The following RAD51B variants were observed in gnomAD, a reference collection of about 807,000 sequenced individuals.
The protein encoded by RAD51B is RAD51 paralog B.
RAD51B carries 38 observed loss-of-function variants against 42.2 expected under a neutral mutation model. The observed-to-expected ratio is 0.90, with a 90% CI of 0.70 to 1.18. The LOEUF (loss-of-function observed/expected upper bound fraction) is 1.18, where lower values mean the gene tolerates loss of function less well. RAD51B is among the 50% of genes most tolerant of loss of function. The pLI is 0.00. For missense variants in RAD51B, 373 were observed against 400.7 expected (o/e 0.93, Z 0.59); for synonymous variants, 154 against 145.2 (o/e 1.06, Z -0.43).
chr14:68,479,688 T>TG (rs34094551), downstream of RAD51B, among the ~76,000 whole-genome samples: 13,340 of 136,310 alleles, frequency 0.098, 796 homozygotes, highest in East Asian at 0.38. Flanking sequence ...TTTTTTTTTT[T>TG]GCCAGAGTCT....
intron 10 of RAD51B, among the ~76,000 whole-genome samples, chr14:68,622,966 C>G (rs1382288043): frequency 6.6e-6 from 1 of 152,170 alleles, no homozygotes; most frequent in African/African-American, 2.4e-5. Context: ...GGCCCCTTGA[C>G]AGGTGACTGG....
At chr14:68,398,602 G>T (rs1000227095) in intron 8 of RAD51B, among the ~76,000 whole-genome samples, 1 of 152,056 alleles carries the variant, frequency 6.6e-6, no homozygotes, top group South Asian at 2.1e-4. Context: ...TATTTTGGGT[G>T]TCTCCTCAGA....
At chr14:68,540,190 T>A in intron 10 of RAD51B, 1 of 937,442 alleles carries the variant, frequency 1.1e-6, no homozygotes, top group Non-Finnish European at 1.3e-6. Context: ...TTTTTTTTTT[T>A]TAAATACAGG....
intron 7 of RAD51B, among the ~76,000 whole-genome samples, chr14:68,190,869 G>T (rs2079251853): frequency 6.6e-6 from 1 of 152,078 alleles, no homozygotes; most frequent in Non-Finnish European, 1.5e-5. Context: ...TTTAAATAAT[G>T]TCTAATGAAT....
chr14:68,386,465 G>A (rs1305854183), intron 8 of RAD51B, among the ~76,000 whole-genome samples: 1 of 152,192 alleles, frequency 6.6e-6, no homozygotes, highest in African/African-American at 2.4e-5. Flanking sequence ...GGCACCCACT[G>A]AATATCTTAC....
chr14:68,660,558 G>A (rs561414029), intron 11 of RAD51B, among the ~76,000 whole-genome samples: 4 of 152,154 alleles, frequency 2.6e-5, no homozygotes, highest in African/African-American at 9.7e-5. Flanking sequence ...ATCAGCTCCT[G>A]GTGCAGAGCC....
intron 7 of RAD51B, among the ~76,000 whole-genome samples, chr14:68,045,585 G>C (rs1209850631): frequency 1.3e-5 from 2 of 152,094 alleles, no homozygotes; most frequent in African/African-American, 2.4e-5. Context: ...ACTTAATTTA[G>C]ATTTCATAAG....
intron 7 of RAD51B, among the ~76,000 whole-genome samples, chr14:68,223,408 G>A (rs1262308629): frequency 2.6e-5 from 4 of 152,196 alleles, no homozygotes; most frequent in Non-Finnish European, 5.9e-5. Context: ...TCACAAACAC[G>A]TGTGTGCCTG....
intron 10 of RAD51B, among the ~76,000 whole-genome samples, chr14:68,607,437 C>A (rs971668411): frequency 6.6e-6 from 1 of 152,198 alleles, no homozygotes; most frequent in Non-Finnish European, 1.5e-5. Context: ...GACCCTCCCC[C>A]ACAGCCCATC....
intron 10 of RAD51B, among the ~76,000 whole-genome samples, chr14:68,637,849 C>A (rs1326499324): frequency 6.6e-6 from 1 of 152,224 alleles, no homozygotes; most frequent in East Asian, 1.9e-4. Context: ...CACAGGCAGC[C>A]TGCTGGGACC....
At chr14:68,388,915 ATGT>A (rs1336071381) in intron 8 of RAD51B, among the ~76,000 whole-genome samples, 2 of 152,168 alleles carry the variant, frequency 1.3e-5, no homozygotes, top group East Asian at 3.8e-4. Flanking sequence ...ATGGCAAACG[ATGT>A]TGTTATTCAC....
intron 8 of RAD51B, among the ~76,000 whole-genome samples, chr14:68,315,461 A>G (rs888394676): frequency 2.0e-5 from 3 of 152,162 alleles, no homozygotes; most frequent in South Asian, 4.1e-4. Context: ...AGTATGTGTA[A>G]ATAATAAGGT....
At chr14:67,842,929 C>G (rs1566918984) in intron 4 of RAD51B, among the ~76,000 whole-genome samples, 1 of 152,058 alleles carries the variant, frequency 6.6e-6, no homozygotes, top group Non-Finnish European at 1.5e-5. Context: ...TGGAGATGAT[C>G]ATATGGTTTT....
intron 10 of RAD51B, among the ~76,000 whole-genome samples, chr14:68,471,448 A>G: frequency 6.6e-6 from 1 of 152,070 alleles, no homozygotes. Context: ...AATTCGATTT[A>G]CCAGCTCCAC....
chr14:68,030,604 G>A (rs2076026280), intron 7 of RAD51B, among the ~76,000 whole-genome samples: 1 of 152,142 alleles, frequency 6.6e-6, no homozygotes, highest in Admixed American at 6.5e-5. Flanking sequence ...GTTGTGGCTG[G>A]TTTCATCCTC....
At chr14:68,303,161 G>A (rs1043875245) in intron 8 of RAD51B, among the ~76,000 whole-genome samples, 11 of 152,206 alleles carry the variant, frequency 7.2e-5, no homozygotes, top group Non-Finnish European at 1.2e-4. Flanking sequence ...ATGAGCTCAT[G>A]TCCTTTGCAG....
chr14:68,496,657 T>A (rs1255553324), intron 10 of RAD51B, among the ~76,000 whole-genome samples: 1 of 152,258 alleles, frequency 6.6e-6, no homozygotes, highest in African/African-American at 2.4e-5. Context: ...TGGCCTGGCC[T>A]ATTGCCTTCT....
chr14:68,171,858 C>G (rs1033961374), intron 7 of RAD51B, among the ~76,000 whole-genome samples: 2 of 151,922 alleles, frequency 1.3e-5, no homozygotes, highest in African/African-American at 2.4e-5. Context: ...AGATGCCCAC[C>G]ACCAAGCCCT....
chr14:67,946,173 G>A lies in RAD51B; in HGVS notation c.756+58969G>A, dbSNP rs188082972. 3.4e-4 allele frequency among the ~76,000 whole-genome samples: 51 copies of A among 152,136 alleles called. No individual in the cohort carries two copies. In the East Asian group the frequency reaches 7.7e-3, roughly 23 times the overall value. On this transcript the variant is annotated intron_variant, in intron 7 of 10. Coordinates refer to ENST00000471583, the MANE Select transcript of RAD51B (RefSeq NM_133510.4). ...TGTTTTGAAATGAGGGATACCTTTC[G>A]GGGAATTTGAAAATACTTTTTTCTA...
Sources: gnomAD v4.1 joint callset for allele counts (sites outside exome capture counted in the v4.1 genomes callset) on GRCh38, gnomAD v4.1.1 for gene constraint, MANE v1.5 for transcripts, NCBI Gene and HGNC (gene_info 2026-07-23, HGNC 2026-07-21) for gene names.